Variants in ACTR3C observed in about 807,000 individuals in gnomAD.
ACTR3C encodes the protein actin related protein 3C, also known as actin-related protein 3C.
Under a neutral mutation model 26.3 loss-of-function variants are expected in ACTR3C, and 18 were observed. The observed-to-expected ratio is 0.68, with a 90% CI of 0.47 to 1.01. The LOEUF (loss-of-function observed/expected upper bound fraction) is 1.01. ACTR3C is among the 50% of genes least tolerant of loss of function. ACTR3C has a pLI of 0.00. For missense variants in ACTR3C, 184 were observed against 250.7 expected, an observed-to-expected ratio of 0.73 and a Z score of 1.80; for synonymous variants, 55 against 94.5, an observed-to-expected ratio of 0.58 and a Z score of 2.42.
At chr7:150,120,224 T>TAATTAAGATCAGAGCAGA in the ACTR3C span, among the ~76,000 whole-genome samples, 1 of 151,840 alleles carries the variant, frequency 6.6e-6, no homozygotes. Context: ...AGAGAGTAAA[T>TAATTAAGATCAGAGCAGA]AATTAAGATC....
At chr7:150,273,134 A>AC (rs1006154430) in intron 6 of ACTR3C, among the ~76,000 whole-genome samples, 2 of 148,054 alleles carry the variant, frequency 1.4e-5, no homozygotes, top group African/African-American at 5.2e-5. Flanking sequence ...ATTATCCCAC[A>AC]CAACAGTCTG....
At chr7:150,077,957 A>G in the ACTR3C span, among the ~76,000 whole-genome samples, 1 of 152,176 alleles carries the variant, frequency 6.6e-6, no homozygotes. Flanking sequence ...TGGACGTGCA[A>G]TTCAGCTGCA....
chr7:150,307,108 T>G (rs1238840138), intron 1 of ACTR3C, among the ~76,000 whole-genome samples: 2 of 152,262 alleles, frequency 1.3e-5, no homozygotes, highest in African/African-American at 2.4e-5. Flanking sequence ...CAAGTATGAG[T>G]GACCATGGCC....
intron 6 of ACTR3C, among the ~76,000 whole-genome samples, chr7:150,279,983 T>C (rs1196551084): frequency 6.6e-6 from 1 of 152,182 alleles, no homozygotes; most frequent in African/African-American, 2.4e-5. Flanking sequence ...ACCTCCTGAA[T>C]AGAACTGAGA....
the ACTR3C span, among the ~76,000 whole-genome samples, chr7:150,119,799 T>C: frequency 6.6e-6 from 1 of 152,160 alleles, no homozygotes; most frequent in Admixed American, 6.5e-5. Context: ...CAGCACTACA[T>C]AGCACTTATT....
chr7:150,049,300 C>A, the ACTR3C span, among the ~76,000 whole-genome samples: 1 of 152,128 alleles, frequency 6.6e-6, no homozygotes, highest in Non-Finnish European at 1.5e-5. Context: ...CTCGTCTCGT[C>A]CCCACGTCCT....
the ACTR3C span, among the ~76,000 whole-genome samples, chr7:150,124,527 A>T: frequency 4.6e-5 from 7 of 152,168 alleles, no homozygotes; most frequent in Non-Finnish European, 8.8e-5. Flanking sequence ...GCTGTCTCAG[A>T]TGTTTCAGTG....
chr7:150,150,284 A>G, the ACTR3C span, among the ~76,000 whole-genome samples: 1 of 152,214 alleles, frequency 6.6e-6, no homozygotes, highest in Non-Finnish European at 1.5e-5. Flanking sequence ...TGGGTAAGCC[A>G]TGCATCCTGA....
At chr7:150,053,474 G>T in the ACTR3C span, among the ~76,000 whole-genome samples, 1 of 152,244 alleles carries the variant, frequency 6.6e-6, no homozygotes, top group African/African-American at 2.4e-5. Context: ...GCTTGTGTCT[G>T]TTCTCTCTGC....
chr7:150,022,576 C>T, the ACTR3C span, among the ~76,000 whole-genome samples: 1 of 152,086 alleles, frequency 6.6e-6, no homozygotes, highest in African/African-American at 2.4e-5. Context: ...TATAAAGCTT[C>T]AGGCCCAGGG....
the ACTR3C span, among the ~76,000 whole-genome samples, chr7:150,037,832 T>C: frequency 1.3e-4 from 8 of 62,514 alleles, no homozygotes; most frequent in Admixed American, 1.8e-4. Context: ...ACTCAGTCCC[T>C]GCCTCGCGGA....
the ACTR3C span, among the ~76,000 whole-genome samples, chr7:149,939,439 A>T: frequency 6.6e-6 from 1 of 152,212 alleles, no homozygotes. Context: ...ATGAGCCAAT[A>T]AAAGTCAGTG....
chr7:149,947,079 A>G, the ACTR3C span, among the ~76,000 whole-genome samples: 55,659 of 151,106 alleles, frequency 0.37, 10,443 homozygotes, highest in Non-Finnish European at 0.42. Flanking sequence ...AGTGTCCACA[A>G]TCCCGGCTTC....
the ACTR3C span, among the ~76,000 whole-genome samples, chr7:149,931,063 G>A: frequency 2.6e-5 from 4 of 152,230 alleles, no homozygotes; most frequent in Admixed American, 6.5e-5. Context: ...ACAGGGTTTC[G>A]CCATGTTGGC....
At chr7:149,963,168 G>C in the ACTR3C span, among the ~76,000 whole-genome samples, 1 of 149,182 alleles carries the variant, frequency 6.7e-6, no homozygotes, top group African/African-American at 2.4e-5. Flanking sequence ...TTTGCCGGGA[G>C]AATGAGTCAC....
At chr7:150,268,356 G>A (rs1394856656) in intron 6 of ACTR3C, among the ~76,000 whole-genome samples, 2 of 145,158 alleles carry the variant, frequency 1.4e-5, no homozygotes, top group Non-Finnish European at 2.9e-5. Flanking sequence ...TTTGTGTTCA[G>A]AAATTCTCAT....
chr7:150,148,153 T>TAAAAAAA, the ACTR3C span, among the ~76,000 whole-genome samples: 1 of 115,302 alleles, frequency 8.7e-6, no homozygotes, highest in African/African-American at 3.5e-5. Context: ...GCTTAAAAGT[T>TAAAAAAA]AAAAAAAAAA....
the ACTR3C span, among the ~76,000 whole-genome samples, chr7:150,054,897 C>T: frequency 7.9e-5 from 12 of 152,184 alleles, no homozygotes; most frequent in African/African-American, 2.9e-4. Context: ...CATCAGTACT[C>T]CTCAAAGTGA....
At chr7:150,219,916 C>T in the ACTR3C span, among the ~76,000 whole-genome samples, 2 of 145,488 alleles carry the variant, frequency 1.4e-5, no homozygotes, top group South Asian at 2.1e-4. Flanking sequence ...CCTCTTCTCT[C>T]GAAAGCCTCG....
Sources: allele counts gnomAD v4.1 joint callset (sites outside exome capture counted in the v4.1 genomes callset), GRCh38; gene constraint gnomAD v4.1.1; transcripts MANE v1.5; gene names NCBI Gene and HGNC (gene_info 2026-07-23, HGNC 2026-07-21).